XKR9: variants seen among roughly 807,000 people sequenced by gnomAD.
XKR9 encodes the protein XK related 9.
XKR9 carries 32 observed loss-of-function variants against 32.0 expected under a neutral mutation model. The observed-to-expected ratio is 1.00, with a 90% confidence interval of 0.76 to 1.34. XKR9 has a LOEUF of 1.34. Among genes scored for constraint, XKR9 ranks in the 40% most tolerant of loss-of-function variants. XKR9 has a pLI of 0.00. For synonymous variants in XKR9, 168 were observed against 143.4 expected (o/e 1.17, Z -1.22); for missense variants, 546 against 429.7 (o/e 1.27, Z -2.39).
At chr8:71,045,766 T>C in the XKR9 span, among the ~76,000 whole-genome samples, 1 of 152,188 alleles carries the variant, frequency 6.6e-6, no homozygotes, top group African/African-American at 2.4e-5. Context: ...CTTGAGACTG[T>C]GACAATTTTG....
chr8:70,709,465 G>A (rs533912210), intron 4 of XKR9, among the ~76,000 whole-genome samples: 1 of 152,298 alleles, frequency 6.6e-6, no homozygotes, highest in African/African-American at 2.4e-5. Flanking sequence ...AATTGGGTAA[G>A]TGAAAGAAAT....
chr8:70,827,487 G>A, the XKR9 span, among the ~76,000 whole-genome samples: 12 of 152,190 alleles, frequency 7.9e-5, no homozygotes, highest in East Asian at 2.1e-3. Flanking sequence ...GTAATTAGAA[G>A]AAGAAGAGAA....
At chr8:70,978,331 G>T in the XKR9 span, among the ~76,000 whole-genome samples, 1 of 152,222 alleles carries the variant, frequency 6.6e-6, no homozygotes, top group South Asian at 2.1e-4. Context: ...CTCTAGCATC[G>T]ATGGTCTTTA....
chr8:70,858,562 G>A, the XKR9 span, among the ~76,000 whole-genome samples: 1 of 152,032 alleles, frequency 6.6e-6, no homozygotes, highest in South Asian at 2.1e-4. Flanking sequence ...GCAATCCTGA[G>A]CAAAAAGAAC....
the XKR9 span, among the ~76,000 whole-genome samples, chr8:70,815,616 C>T: frequency 6.6e-6 from 1 of 151,936 alleles, no homozygotes; most frequent in Non-Finnish European, 1.5e-5. Context: ...AGCTCCGCCT[C>T]CCGGGTTCAT....
the XKR9 span, among the ~76,000 whole-genome samples, chr8:70,916,667 C>T: frequency 1.3e-5 from 2 of 151,974 alleles, no homozygotes; most frequent in South Asian, 4.1e-4. Context: ...AGAATCAGTT[C>T]AATAATTTTC....
the XKR9 span, among the ~76,000 whole-genome samples, chr8:70,927,112 A>G: frequency 6.6e-6 from 1 of 152,178 alleles, no homozygotes; most frequent in East Asian, 1.9e-4. Context: ...ATGCACATAC[A>G]CACAAGGAAC....
chr8:70,797,200 G>T, the XKR9 span, among the ~76,000 whole-genome samples: 2 of 151,986 alleles, frequency 1.3e-5, no homozygotes, highest in Non-Finnish European at 2.9e-5. Context: ...CAGTCAGAGT[G>T]AGGGGTGTGC....
At chr8:70,724,628 G>A (rs574900219) in intron 4 of XKR9, among the ~76,000 whole-genome samples, 1 of 152,234 alleles carries the variant, frequency 6.6e-6, no homozygotes, top group Non-Finnish European at 1.5e-5. Context: ...GGCTAGGGGA[G>A]GGAGGTCCCT....
chr8:71,027,611 TG>T, the XKR9 span, among the ~76,000 whole-genome samples: 1 of 152,006 alleles, frequency 6.6e-6, no homozygotes, highest in Non-Finnish European at 1.5e-5. Flanking sequence ...ATGCTAGAGG[TG>T]GGAAGAACCA....
rs183104808 is a variant in XKR9, at chr8:70,702,294, A to T, written c.273-4639A>T. On this transcript the variant is annotated intron_variant, in intron 3 of 4. Coordinates refer to ENST00000408926, the MANE Select transcript of XKR9 (RefSeq NM_001011720.2). ...TAAATTTATTATAATAACATACTTC[A>T]TAGGATTACAGTCTTTTTGCCTTTA... 1.1e-3 allele frequency among the ~76,000 whole-genome samples: 169 copies of T among 152,268 alleles called. 2 individuals carry two copies. Among genetic ancestry groups the T allele is most frequent in the African/African-American group, 4.0e-3 (166 of 41,576 alleles).
At chr8:71,041,876 C>T in the XKR9 span, among the ~76,000 whole-genome samples, 7 of 152,188 alleles carry the variant, frequency 4.6e-5, no homozygotes, top group East Asian at 1.2e-3. Context: ...GTCAATTAAA[C>T]CTCTTTCTTT....
At chr8:70,696,714 G>T (rs996306097) in intron 3 of XKR9, among the ~76,000 whole-genome samples, 1 of 148,830 alleles carries the variant, frequency 6.7e-6, no homozygotes, top group African/African-American at 2.5e-5. Flanking sequence ...TTCCAATTCT[G>T]TGAAGAAAGT....
At chr8:70,973,498 G>A in the XKR9 span, among the ~76,000 whole-genome samples, 1 of 151,790 alleles carries the variant, frequency 6.6e-6, no homozygotes, top group African/African-American at 2.4e-5. Flanking sequence ...CTTCGGCTAG[G>A]TTTGGGTTTA....
At chr8:70,978,905 C>T in the XKR9 span, among the ~76,000 whole-genome samples, 1 of 152,108 alleles carries the variant, frequency 6.6e-6, no homozygotes, top group Non-Finnish European at 1.5e-5. Flanking sequence ...TTCCCATAGT[C>T]CCATATTTCT....
At chr8:71,009,057 G>A in the XKR9 span, among the ~76,000 whole-genome samples, 1 of 152,146 alleles carries the variant, frequency 6.6e-6, no homozygotes, top group African/African-American at 2.4e-5. Context: ...GACAGAGTAA[G>A]GGAGCTTAGA....
intron 2 of XKR9, among the ~76,000 whole-genome samples, chr8:70,760,549 C>T (rs1807293662): frequency 6.6e-6 from 1 of 152,076 alleles, no homozygotes; most frequent in Admixed American, 6.6e-5. Flanking sequence ...CTATGTTTCC[C>T]AGGCTAGCAT....
At chr8:70,685,262 G>A (rs1019820007) in intron 3 of XKR9, among the ~76,000 whole-genome samples, 11 of 147,026 alleles carry the variant, frequency 7.5e-5, no homozygotes, top group East Asian at 4.1e-4. Flanking sequence ...ACCAAACACC[G>A]CATATTCTCA....
At chr8:70,770,080 T>C (rs544733924) in intron 2 of XKR9, among the ~76,000 whole-genome samples, 1 of 152,202 alleles carries the variant, frequency 6.6e-6, no homozygotes, top group African/African-American at 2.4e-5. Context: ...CATGGATTTA[T>C]CTACTGTTGC....
Sources: allele counts gnomAD v4.1 joint callset (sites outside exome capture counted in the v4.1 genomes callset), GRCh38; gene constraint gnomAD v4.1.1; transcripts MANE v1.5; gene names NCBI Gene and HGNC (gene_info 2026-07-23, HGNC 2026-07-21).